The following ASIC2 variants were observed in gnomAD, a reference collection of about 807,000 sequenced individuals.
ASIC2 encodes acid sensing ion channel subunit 2.
Under a neutral mutation model 57.3 loss-of-function variants are expected in ASIC2, and 25 were observed. The ratio of observed to expected loss-of-function variants is 0.44; its 90% CI spans 0.32 to 0.61. The LOEUF is 0.61. Among genes scored for constraint, ASIC2 ranks in the 20% least tolerant of loss-of-function variants. The pLI, the probability that ASIC2 is intolerant of heterozygous loss-of-function variation, is 0.06. For missense variants in ASIC2, 641 were observed against 738.1 expected (o/e 0.87, Z 1.52); for synonymous variants, 319 against 307.5 (o/e 1.04, Z -0.39).
chr17:34,014,551 C>T lies in ASIC2; in HGVS notation c.555+141427G>A, dbSNP rs141304140. On this transcript the variant is annotated intron_variant, in intron 1 of 9. Transcript: ENST00000359872. ...CAGGCTTTGGGTAGCTTCCAGGCCC[C>T]GTCCACAGACACCTAGGTGCAAGGC... Among the ~76,000 whole-genome samples the T allele has an allele frequency of 2.7e-3, 415 of 152,302 alleles. 2 individuals carry two copies. Among genetic ancestry groups the T allele is most frequent in the Non-Finnish European group, 4.0e-3 (274 of 68,032 alleles).
chr17:33,307,469 C>A (rs537138491), intron 1 of ASIC2, among the ~76,000 whole-genome samples: 2 of 152,196 alleles, frequency 1.3e-5, no homozygotes, highest in East Asian at 3.9e-4. Flanking sequence ...ACCACCAGTC[C>A]TGGCTAATTT....
intron 1 of ASIC2, among the ~76,000 whole-genome samples, chr17:33,310,503 G>T (rs1481986980): frequency 6.6e-6 from 1 of 152,174 alleles, no homozygotes. Context: ...AGATGAATGT[G>T]CATTGACGAG....
chr17:33,460,756 C>T (rs959807226), intron 1 of ASIC2, among the ~76,000 whole-genome samples: 12 of 152,234 alleles, frequency 7.9e-5, no homozygotes, highest in Non-Finnish European at 1.3e-4. Flanking sequence ...GTTATAAATC[C>T]ATTTTACAGG....
intron 1 of ASIC2, among the ~76,000 whole-genome samples, chr17:34,084,871 T>C (rs1438186913): frequency 3.3e-5 from 5 of 152,344 alleles, no homozygotes; most frequent in Non-Finnish European, 7.3e-5. Context: ...ATGCTTGTGA[T>C]TTTTGCACAT....
intron 7 of ASIC2, among the ~76,000 whole-genome samples, chr17:33,019,995 G>A (rs147030059): frequency 7.9e-5 from 12 of 152,256 alleles, no homozygotes; most frequent in Non-Finnish European, 1.8e-4. Flanking sequence ...GGGTGAGTGA[G>A]GGGTCTATGT....
At chr17:33,664,122 C>T (rs1046221565) in intron 1 of ASIC2, among the ~76,000 whole-genome samples, 1 of 152,178 alleles carries the variant, frequency 6.6e-6, no homozygotes, top group African/African-American at 2.4e-5. Context: ...TGCACACTTA[C>T]GACGTCAGCC....
At position 33,628,582 on chromosome 17, in the gene ASIC2, C is replaced by T. The variant is rs527987586; in HGVS notation, c.556-516515G>A. 5.2e-4 allele frequency among the ~76,000 whole-genome samples: 79 copies of T among 152,180 alleles called. 1 individual carries two copies. In the South Asian group the frequency reaches 0.012, roughly 24 times the overall value. On this transcript the variant is annotated intron_variant, in intron 1 of 9. Coordinates refer to the ASIC2 transcript ENST00000359872. The stretch of plus-strand genomic sequence containing the variant: ...AGGTATGAGGGTTACAGGTGTGAGC[C>T]GCCTCGCCAACCCTATCTGGCTTTT...
chr17:33,949,510 C>T (rs555426101), intron 1 of ASIC2, among the ~76,000 whole-genome samples: 3 of 152,314 alleles, frequency 2.0e-5, no homozygotes, highest in African/African-American at 7.2e-5. Flanking sequence ...AAAGGTACCG[C>T]ATACCTTTTC....
At chr17:33,984,652 T>C (rs573142926) in intron 1 of ASIC2, among the ~76,000 whole-genome samples, 1 of 152,204 alleles carries the variant, frequency 6.6e-6, no homozygotes, top group Non-Finnish European at 1.5e-5. Flanking sequence ...GAACAGTGCC[T>C]TTGCACTGCA....
chr17:33,454,697 G>A (rs1912387877), intron 1 of ASIC2, among the ~76,000 whole-genome samples: 1 of 152,188 alleles, frequency 6.6e-6, no homozygotes, highest in Non-Finnish European at 1.5e-5. Context: ...ATACACAATA[G>A]AAATGTGTTG....
intron 1 of ASIC2, among the ~76,000 whole-genome samples, chr17:33,876,193 G>A (rs1567742613): frequency 6.6e-6 from 1 of 152,098 alleles, no homozygotes; most frequent in Admixed American, 6.5e-5. Flanking sequence ...ATGGCCTTCT[G>A]TAACACCATA....
chr17:33,032,612 C>A (rs2091889256), intron 3 of ASIC2, among the ~76,000 whole-genome samples: 2 of 152,038 alleles, frequency 1.3e-5, no homozygotes, highest in African/African-American at 4.8e-5. Flanking sequence ...CCATGCCCAG[C>A]TAATTTTTGT....
intron 3 of ASIC2, chr17:33,052,782 C>T (rs2091982490): frequency 6.6e-6 from 1 of 152,174 alleles, no homozygotes; most frequent in Admixed American, 6.5e-5. Flanking sequence ...GGGCAGTTCT[C>T]CAGTATTGGA....
At chr17:34,031,049 C>G (rs557784172) in intron 1 of ASIC2, among the ~76,000 whole-genome samples, 4 of 152,344 alleles carry the variant, frequency 2.6e-5, no homozygotes, top group African/African-American at 9.6e-5. Context: ...GATCTGAGAT[C>G]GGGCAGACTG....
intron 1 of ASIC2, among the ~76,000 whole-genome samples, chr17:33,331,153 C>A (rs1265010945): frequency 6.6e-6 from 1 of 152,130 alleles, no homozygotes; most frequent in African/African-American, 2.4e-5. Flanking sequence ...CTAGGTTAAG[C>A]ACTCTTTATG....
intron 1 of ASIC2, among the ~76,000 whole-genome samples, chr17:33,790,826 C>A (rs947314436): frequency 4.6e-5 from 7 of 152,146 alleles, no homozygotes; most frequent in Non-Finnish European, 2.9e-5. Context: ...GAATCTCATA[C>A]TGATTGAGAA....
chr17:33,110,163 G>T (rs546977724), intron 2 of ASIC2, among the ~76,000 whole-genome samples: 2 of 152,328 alleles, frequency 1.3e-5, no homozygotes, highest in South Asian at 2.1e-4. Flanking sequence ...TAGGCTTTGA[G>T]TGTGGGGTCT....
chr17:33,682,606 A>G (rs150743572), intron 1 of ASIC2, among the ~76,000 whole-genome samples: 1,971 of 152,296 alleles, frequency 0.013, 16 homozygotes, highest in Middle Eastern at 0.02. Flanking sequence ...AATTAGATTT[A>G]TGAATTTAGC....
At chr17:34,066,840 CA>C (rs1450657156) in intron 1 of ASIC2, among the ~76,000 whole-genome samples, 8 of 152,170 alleles carry the variant, frequency 5.3e-5, no homozygotes, top group African/African-American at 1.2e-4. Flanking sequence ...AACTCGAAAT[CA>C]GAGAAGGTCA....
Sources: allele counts gnomAD v4.1 joint callset (sites outside exome capture counted in the v4.1 genomes callset), GRCh38; gene constraint gnomAD v4.1.1; transcripts MANE v1.5; gene names NCBI Gene and HGNC (gene_info 2026-07-23, HGNC 2026-07-21).